The following KCNH8 variants were observed in gnomAD, a reference collection of about 807,000 sequenced individuals.
KCNH8 encodes the protein potassium voltage-gated channel subfamily H member 8.
In KCNH8, 70 loss-of-function variants were observed where a neutral mutation model predicts 103.6. The observed-to-expected ratio is 0.68, with a 90% CI of 0.56 to 0.82. The LOEUF (loss-of-function observed/expected upper bound fraction) is 0.82, where lower values mean the gene tolerates loss of function less well. Among genes scored for constraint, KCNH8 ranks in the 40% least tolerant of loss-of-function variants. The pLI, the probability that KCNH8 is intolerant of heterozygous loss-of-function variation, is 0.00. For missense variants in KCNH8, 1,217 were observed against 1,329.9 expected (o/e 0.92, Z 1.32); for synonymous variants, 498 against 489.4 (o/e 1.02, Z -0.23).
At chr3:19,458,591 A>G (rs967898223) in intron 11 of KCNH8, among the ~76,000 whole-genome samples, 6 of 151,962 alleles carry the variant, frequency 3.9e-5, no homozygotes, top group Non-Finnish European at 8.8e-5. Flanking sequence ...TTTATCATTT[A>G]TTTGTGGTGA....
At chr3:19,207,345 T>C (rs2063727705) in intron 1 of KCNH8, among the ~76,000 whole-genome samples, 1 of 152,030 alleles carries the variant, frequency 6.6e-6, no homozygotes. Flanking sequence ...AAGACTGTTA[T>C]TTTCTTTTGT....
intron 1 of KCNH8, among the ~76,000 whole-genome samples, chr3:19,244,357 G>T (rs918532832): frequency 6.6e-6 from 1 of 152,170 alleles, no homozygotes; most frequent in African/African-American, 2.4e-5. Flanking sequence ...TGGGCCCCTA[G>T]GTTGATTCCA....
At chr3:19,375,649 G>T (rs2066183031) in intron 5 of KCNH8, among the ~76,000 whole-genome samples, 3 of 152,166 alleles carry the variant, frequency 2.0e-5, no homozygotes, top group Admixed American at 2.0e-4. Context: ...TTGCTGGTGA[G>T]GAACTCCGTT....
At chr3:19,430,300 T>A (rs539919238) in intron 7 of KCNH8, among the ~76,000 whole-genome samples, 1 of 152,318 alleles carries the variant, frequency 6.6e-6, no homozygotes, top group East Asian at 1.9e-4. Context: ...TATTTCTGGA[T>A]TCCCTATTCT....
intron 1 of KCNH8, among the ~76,000 whole-genome samples, chr3:19,211,769 A>G (rs184334169): frequency 6.6e-6 from 1 of 152,266 alleles, no homozygotes; most frequent in African/African-American, 2.4e-5. Context: ...AGTTCTCTTA[A>G]TCTTATGGAA....
chr3:19,354,550 A>G (rs1209888994), intron 5 of KCNH8, among the ~76,000 whole-genome samples: 2 of 152,198 alleles, frequency 1.3e-5, no homozygotes, highest in Non-Finnish European at 1.5e-5. Flanking sequence ...CCAATGGAAC[A>G]GAACAGAGCC....
intron 3 of KCNH8, among the ~76,000 whole-genome samples, chr3:19,298,994 T>C (rs1335526334): frequency 6.7e-6 from 1 of 150,182 alleles, no homozygotes; most frequent in Non-Finnish European, 1.5e-5. Flanking sequence ...AGAGGGGTGC[T>C]TTGGAGTTGA....
At chr3:19,446,289 A>G (rs1265422963) in intron 8 of KCNH8, among the ~76,000 whole-genome samples, 2 of 151,992 alleles carry the variant, frequency 1.3e-5, no homozygotes. Context: ...GAGGTTGGAT[A>G]AAGCTTCCTA....
chr3:19,437,368 C>T (rs761428471), intron 7 of KCNH8, among the ~76,000 whole-genome samples: 50 of 152,228 alleles, frequency 3.3e-4, no homozygotes, highest in Non-Finnish European at 5.9e-4. Flanking sequence ...GCTATCTTCT[C>T]ATGTTTATTA....
At position 19,534,722 on chromosome 3, in the gene KCNH8, A is replaced by G. The variant is rs1332617125; in HGVS notation, c.*623A>G. 6.6e-6 allele frequency: 1 copy of G among 152,594 alleles called. No homozygotes were observed. The highest frequency in any genetic ancestry group is 1.5e-5 in the Non-Finnish European group (1 of 68,036). The allele number at this position is 152,594 out of a possible 1,614,324, so 9.5% of individuals were successfully genotyped here. On this transcript the variant is annotated 3_prime_UTR_variant, in exon 16 of 16. Transcript: ENST00000328405. ...TTGGTATGAAATATGTATTTAAACT[A>G]TTTAAATATTTATAAAGAAATGAAT...
intron 2 of KCNH8, among the ~76,000 whole-genome samples, chr3:19,267,112 C>T (rs1197569440): frequency 6.6e-6 from 1 of 151,994 alleles, no homozygotes; most frequent in Admixed American, 6.6e-5. Context: ...CTGTCACAGC[C>T]GCCTCTGGGA....
chr3:19,334,601 C>CA (rs2065556905), intron 3 of KCNH8, among the ~76,000 whole-genome samples: 1 of 150,758 alleles, frequency 6.6e-6, no homozygotes, highest in Non-Finnish European at 1.5e-5. Context: ...AGTCCAGTCT[C>CA]ATGTTCATTG....
intron 3 of KCNH8, among the ~76,000 whole-genome samples, chr3:19,312,791 G>A (rs1478789810): frequency 6.6e-6 from 1 of 152,020 alleles, no homozygotes; most frequent in South Asian, 2.1e-4. Context: ...CTTTGAAACT[G>A]TGGAAATCAC....
Position 19,502,155 on chromosome 3 carries a change from G to A in KCNH8, c.2041-8208G>A, listed in dbSNP as rs564341080. On this transcript the variant is annotated intron_variant, in intron 11 of 15. Transcript: ENST00000328405. Reference sequence around the variant, plus strand: ...AGACAAACAGAGAGCCAAATCATGAGTGAACTCCCATTCACAATTGCTTCA... The same window carrying A: ...AGACAAACAGAGAGCCAAATCATGAATGAACTCCCATTCACAATTGCTTCA... 3.0e-3 allele frequency among the ~76,000 whole-genome samples: 447 copies of A among 149,090 alleles called. 1 individual carries two copies. Among genetic ancestry groups the A allele is most frequent in the African/African-American group, 0.01 (422 of 40,440 alleles).
intron 1 of KCNH8, among the ~76,000 whole-genome samples, chr3:19,220,590 A>AT (rs34887096): frequency 2.7e-5 from 4 of 150,598 alleles, no homozygotes; most frequent in Non-Finnish European, 4.4e-5. Context: ...CATGACACTG[A>AT]TTTTTTTTTT....
At chr3:19,490,516 C>T (rs567320868) in intron 11 of KCNH8, among the ~76,000 whole-genome samples, 2 of 152,284 alleles carry the variant, frequency 1.3e-5, no homozygotes, top group African/African-American at 4.8e-5. Flanking sequence ...CTTTTCCATA[C>T]AATGTCTGTA....
At chr3:19,390,427 T>C (rs2066419870) in intron 5 of KCNH8, 54 bp from the exon 6 acceptor site, 1 of 1,386,358 alleles carries the variant, frequency 7.2e-7, no homozygotes, top group Admixed American at 1.9e-5. Flanking sequence ...TCCTACCTTC[T>C]TTATTCTTCT....
chr3:19,175,761 A>G (rs2063393919), intron 1 of KCNH8, among the ~76,000 whole-genome samples: 1 of 152,330 alleles, frequency 6.6e-6, no homozygotes, highest in Non-Finnish European at 1.5e-5. Flanking sequence ...TTGATTTGTC[A>G]TCTTGATTCT....
In KCNH8 at chr3:19,427,061, C is replaced by T. The variant is rs182548523; in HGVS notation, c.1178-11103C>T. On this transcript the variant is annotated intron_variant, in intron 7 of 15. Coordinates refer to ENST00000328405, the MANE Select transcript of KCNH8 (RefSeq NM_144633.3). The stretch of plus-strand genomic sequence containing the variant: ...CAATGGACATGGCCAGGAACAGAAA[C>T]ATAAAAATTAATGCAAAAGGGGTAA... Among the ~76,000 whole-genome samples the T allele has an allele frequency of 4.7e-4, 71 of 152,132 alleles. No homozygotes were observed. The Middle Eastern group carries it at 0.01, about 22-fold the overall frequency.
Sources: gnomAD v4.1 joint callset for allele counts (sites outside exome capture counted in the v4.1 genomes callset) on GRCh38, gnomAD v4.1.1 for gene constraint, MANE v1.5 for transcripts, NCBI Gene and HGNC (gene_info 2026-07-23, HGNC 2026-07-21) for gene names.